Variants in ZNF644 observed in about 807,000 individuals in gnomAD.
ZNF644 encodes zinc finger protein 644, also known as zinc finger motif enhancer binding protein 2.
A neutral mutation model predicts 108.0 loss-of-function variants in ZNF644; 20 were observed. The ratio of observed to expected loss-of-function variants is 0.19; its 90% confidence interval spans 0.13 to 0.27. The LOEUF is 0.27. Among genes scored for constraint, ZNF644 ranks in the 10% least tolerant of loss-of-function variants. The pLI, the probability that ZNF644 is intolerant of heterozygous loss-of-function variation, is 1.00. For missense variants in ZNF644, 1,338 were observed against 1,548.9 expected (o/e 0.86, Z 2.29); for synonymous variants, 542 against 539.1 (o/e 1.01, Z -0.08).
chr1:90,972,435 T>C (rs1655587670), intron 2 of ZNF644, among the ~76,000 whole-genome samples: 1 of 152,122 alleles, frequency 6.6e-6, no homozygotes. Flanking sequence ...TGACACATCA[T>C]AGCCACTATC....
chr1:90,917,120 G>C, intron 5 of ZNF644, 130 bp from the exon 6 acceptor site: 1 of 940,982 alleles, frequency 1.1e-6, no homozygotes, highest in Non-Finnish European at 1.6e-6. Context: ...AGTTTCTAAA[G>C]TCAAATGATT....
chr1:90,968,838 T>G (rs1021335831), intron 2 of ZNF644, among the ~76,000 whole-genome samples: 1 of 152,188 alleles, frequency 6.6e-6, no homozygotes, highest in Non-Finnish European at 1.5e-5. Flanking sequence ...CAGTATACCT[T>G]GAATGCATAT....
At chr1:91,008,028 G>C (rs1659613227) in intron 1 of ZNF644, among the ~76,000 whole-genome samples, 1 of 152,162 alleles carries the variant, frequency 6.6e-6, no homozygotes, top group African/African-American at 2.4e-5. Flanking sequence ...GTCACAGGAT[G>C]AATCTTTTAA....
At chr1:90,925,328 G>A (rs948611401) in intron 4 of ZNF644, among the ~76,000 whole-genome samples, 11 of 152,212 alleles carry the variant, frequency 7.2e-5, no homozygotes, top group Admixed American at 3.9e-4. Context: ...GATAGCTTAC[G>A]TTATCTTAAT....
chr1:91,008,507 C>G (rs927409069), intron 1 of ZNF644, among the ~76,000 whole-genome samples: 1 of 152,202 alleles, frequency 6.6e-6, no homozygotes. Context: ...CTTAAGCAAG[C>G]AATTCAGAGC....
intron 1 of ZNF644, among the ~76,000 whole-genome samples, chr1:90,992,424 C>T (rs1657735270): frequency 1.3e-5 from 2 of 150,952 alleles, no homozygotes; most frequent in Admixed American, 6.6e-5. Context: ...ATAAATGAAT[C>T]ACCTTTGAAC....
In ZNF644 at chr1:90,939,579, G is replaced by C; in HGVS notation, c.1775C>G (p.Pro592Arg). The change falls in exon 3 of 6, where the codon CCT (proline) becomes CGT (arginine). Residue 592 changes from proline to arginine, a missense_variant. Coordinates refer to ENST00000337393, the MANE Select transcript of ZNF644 (RefSeq NM_201269.3). ...KSATYICKMC[P>R]FTTSAKSVLK... is the part of the protein sequence containing the mutation. ...AACACTTTTGGCTGAAGTAGTAAAA[G>C]GACACATCTTACATATGTAGGTAGC... is the stretch of plus-strand genomic sequence containing the variant. 1 of 1,613,984 alleles carries C rather than the reference G, an allele frequency of 6.2e-7. No individual in the cohort carries two copies. Among genetic ancestry groups the C allele is most frequent in the Non-Finnish European group, 8.5e-7 (1 of 1,179,918 alleles).
At chr1:90,933,693 C>T (rs545437526) in intron 4 of ZNF644, among the ~76,000 whole-genome samples, 1 of 152,040 alleles carries the variant, frequency 6.6e-6, no homozygotes, top group South Asian at 2.1e-4. Context: ...ATGAACAAAC[C>T]CACCTTCATT....
intron 1 of ZNF644, among the ~76,000 whole-genome samples, chr1:90,983,137 C>A (rs570496359): frequency 1.3e-5 from 2 of 152,208 alleles, no homozygotes; most frequent in East Asian, 3.9e-4. Flanking sequence ...ATTCTCTATT[C>A]TTTAAAAAAT....
chr1:90,971,020 A>G (rs947315053), intron 2 of ZNF644, among the ~76,000 whole-genome samples: 1 of 145,612 alleles, frequency 6.9e-6, no homozygotes, highest in African/African-American at 2.5e-5. Flanking sequence ...AAAAAAAAAC[A>G]CTATCACTTA....
intron 1 of ZNF644, among the ~76,000 whole-genome samples, chr1:91,000,762 G>C (rs1418051812): frequency 6.6e-6 from 1 of 152,026 alleles, no homozygotes; most frequent in Non-Finnish European, 1.5e-5. Flanking sequence ...TTTTTGAAAA[G>C]ATCAACACAA....
At chr1:90,962,173 C>G (rs1654398248) in intron 2 of ZNF644, among the ~76,000 whole-genome samples, 1 of 151,866 alleles carries the variant, frequency 6.6e-6, no homozygotes, top group Admixed American at 6.6e-5. Flanking sequence ...TTTTATATAA[C>G]TGATATGAAT....
At chr1:90,946,715 G>A (rs1652549984) in intron 2 of ZNF644, among the ~76,000 whole-genome samples, 1 of 151,872 alleles carries the variant, frequency 6.6e-6, no homozygotes, top group Non-Finnish European at 1.5e-5. Context: ...CAATGTTACA[G>A]CCAGAGATTT....
At chr1:90,935,087 T>A (rs534801499) in intron 4 of ZNF644, among the ~76,000 whole-genome samples, 1 of 152,218 alleles carries the variant, frequency 6.6e-6, no homozygotes, top group Non-Finnish European at 1.5e-5. Context: ...GAGAGGTGTT[T>A]TACTGGAATC....
intron 2 of ZNF644, among the ~76,000 whole-genome samples, chr1:90,947,885 TATA>T (rs964485554): frequency 6.6e-6 from 1 of 152,136 alleles, no homozygotes; most frequent in African/African-American, 2.4e-5. Flanking sequence ...ATAAAAATTT[TATA>T]ATAATAAAAG....
chr1:91,019,754 A>C (rs1269265359), intron 1 of ZNF644, among the ~76,000 whole-genome samples: 1 of 152,038 alleles, frequency 6.6e-6, no homozygotes, highest in Non-Finnish European at 1.5e-5. Flanking sequence ...TTTAGTAGAG[A>C]CGGGGTTTCA....
At chr1:90,978,043 A>G (rs1393446840) in intron 2 of ZNF644, among the ~76,000 whole-genome samples, 1 of 152,172 alleles carries the variant, frequency 6.6e-6, no homozygotes, top group Non-Finnish European at 1.5e-5. Flanking sequence ...TTTTATAAAA[A>G]ATTTATATTT....
chr1:90,998,786 A>C (rs1450026472), intron 1 of ZNF644, among the ~76,000 whole-genome samples: 2 of 152,210 alleles, frequency 1.3e-5, no homozygotes, highest in Non-Finnish European at 2.9e-5. Flanking sequence ...ATTGCAAAGA[A>C]GCTAAAAACC....
Position 90,916,550 on chromosome 1 carries a change from CT to C in ZNF644, c.*247del, listed in dbSNP as rs2100749957. Reference sequence around the variant, plus strand: ...TTAATGGCTGCTTACATGTACTGCTCTTTTACTGAGTGAACACAGTTAACCA... The same window carrying C: ...TTAATGGCTGCTTACATGTACTGCTCTTTACTGAGTGAACACAGTTAACCA... On this transcript the variant is annotated 3_prime_UTR_variant, in exon 6 of 6. Coordinates refer to ENST00000337393, the MANE Select transcript of ZNF644 (RefSeq NM_201269.3). 2 of 505,620 alleles carry C rather than the reference CT, an allele frequency of 4.0e-6. No homozygotes were observed. Among genetic ancestry groups the C allele is most frequent in the Non-Finnish European group, 3.6e-6 (1 of 281,340 alleles). The allele number at this position is 505,620 out of a possible 1,614,324, so 31.3% of individuals were successfully genotyped here.
Sources: allele counts gnomAD v4.1 joint callset (sites outside exome capture counted in the v4.1 genomes callset), GRCh38; gene constraint gnomAD v4.1.1; transcripts MANE v1.5; gene names NCBI Gene and HGNC (gene_info 2026-07-23, HGNC 2026-07-21).